The following KCNB2 variants were observed in gnomAD, a reference collection of about 807,000 sequenced individuals.
KCNB2 encodes the protein delayed rectifier potassium channel protein.
In KCNB2, 15 loss-of-function variants were observed where a neutral mutation model predicts 61.5. That is an observed-to-expected ratio of 0.24 (90% CI 0.16 to 0.38). KCNB2 has a LOEUF of 0.38. KCNB2 is among the 10% of genes least tolerant of loss of function. The pLI, the probability that KCNB2 is intolerant of heterozygous loss-of-function variation, is 1.00. For synonymous variants in KCNB2, 457 were observed against 446.0 expected (o/e 1.02, Z -0.31); for missense variants, 828 against 1,125.2 (o/e 0.74, Z 3.78).
intron 2 of KCNB2, among the ~76,000 whole-genome samples, chr8:72,841,028 T>A (rs1174546823): frequency 6.6e-6 from 1 of 152,244 alleles, no homozygotes; most frequent in African/African-American, 2.4e-5. Context: ...AGGGTTTTTA[T>A]GGTTTCAGGT....
intron 2 of KCNB2, among the ~76,000 whole-genome samples, chr8:72,741,670 T>G (rs553528656): frequency 1.3e-5 from 2 of 152,124 alleles, no homozygotes; most frequent in African/African-American, 2.4e-5. Context: ...CATATGACAT[T>G]TGGTTTTCCA....
chr8:72,773,185 G>A lies in KCNB2; in HGVS notation c.580-162750G>A, dbSNP rs114235260. 3.7e-3 allele frequency among the ~76,000 whole-genome samples: 562 copies of A among 152,210 alleles called. 3 individuals are homozygous for A. The highest frequency in any genetic ancestry group is 0.013 in the African/African-American group (529 of 41,526). The stretch of plus-strand genomic sequence containing the variant: ...TAGACAGCACTGCTTAGCATCTGTC[G>A]TGTGAATTATTTGATAGATGAGAAT... On this transcript the variant is annotated intron_variant, in intron 2 of 2. Transcript: ENST00000523207.
At chr8:72,745,256 G>C (rs1339095253) in intron 2 of KCNB2, among the ~76,000 whole-genome samples, 1 of 152,176 alleles carries the variant, frequency 6.6e-6, no homozygotes, top group African/African-American at 2.4e-5. Context: ...AATTAGGAGA[G>C]AAGGAATGTA....
Position 72,567,668 on chromosome 8 carries a change from G to A in KCNB2, c.-67G>A. 9.4e-7 allele frequency: 1 copy of A among 1,061,240 alleles called. No individual in the cohort carries two copies. The highest frequency in any genetic ancestry group is 1.4e-6 in the Non-Finnish European group (1 of 736,510). The allele number at this position is 1,061,240 out of a possible 1,614,324, so 65.7% of individuals were successfully genotyped here. A position where few individuals can be genotyped will look rare whatever the true frequency, so the allele number is the denominator to read the frequency against. On this transcript the variant is annotated 5_prime_UTR_variant, in exon 2 of 3. Transcript: ENST00000523207. ...TTTGTCAGTGGAAATGCCTGCCCCA[G>A]AGGGATATTGCTTCAGTTGACCTCA...
intron 2 of KCNB2, among the ~76,000 whole-genome samples, chr8:72,663,931 G>C (rs1316514716): frequency 1.3e-5 from 2 of 152,284 alleles, no homozygotes; most frequent in East Asian, 3.9e-4. Context: ...CTCCTTCTGA[G>C]CCTCTTTCCA....
intron 2 of KCNB2, among the ~76,000 whole-genome samples, chr8:72,932,414 G>T (rs1462020948): frequency 6.6e-6 from 1 of 152,128 alleles, no homozygotes; most frequent in Non-Finnish European, 1.5e-5. Context: ...CCAGGTGCTG[G>T]GGTGGTTACC....
chr8:72,883,378 G>A lies in KCNB2; in HGVS notation c.580-52557G>A, dbSNP rs147340655. Among the ~76,000 whole-genome samples the A allele has an allele frequency of 3.6e-3, 549 of 152,298 alleles. 4 individuals carry two copies. Among genetic ancestry groups the A allele is most frequent in the Middle Eastern group, 0.024 (7 of 294 alleles). On this transcript the variant is annotated intron_variant, in intron 2 of 2. Coordinates refer to ENST00000523207, the MANE Select transcript of KCNB2 (RefSeq NM_004770.3). The stretch of plus-strand genomic sequence containing the variant: ...AGTTATCCACTGACCTGGCTGGAAG[G>A]ATGGTCTTAGTCTCTCAGCTGACTC...
chr8:72,860,325 C>A (rs1810278981), intron 2 of KCNB2, among the ~76,000 whole-genome samples: 1 of 152,194 alleles, frequency 6.6e-6, no homozygotes, highest in Non-Finnish European at 1.5e-5. Flanking sequence ...GTCTCAATTT[C>A]TCCACATTCC....
chr8:72,781,825 G>A (rs1808761549), intron 2 of KCNB2, among the ~76,000 whole-genome samples: 1 of 152,184 alleles, frequency 6.6e-6, no homozygotes, highest in African/African-American at 2.4e-5. Context: ...CCTGGATAGA[G>A]CTTGAAGCCA....
intron 2 of KCNB2, among the ~76,000 whole-genome samples, chr8:72,925,536 G>T (rs191301958): frequency 5.3e-5 from 8 of 152,268 alleles, no homozygotes. Context: ...TAAACATATG[G>T]AGAGAAAGCT....
At chr8:72,773,040 G>A (rs1248221469) in intron 2 of KCNB2, among the ~76,000 whole-genome samples, 1 of 152,160 alleles carries the variant, frequency 6.6e-6, no homozygotes, top group Non-Finnish European at 1.5e-5. Flanking sequence ...CCCAGTAGGG[G>A]GAATTTTTCA....
intron 2 of KCNB2, among the ~76,000 whole-genome samples, chr8:72,715,018 C>G (rs1343584829): frequency 6.6e-5 from 10 of 151,924 alleles, no homozygotes; most frequent in Admixed American, 3.9e-4. Flanking sequence ...ATCCTAGTCT[C>G]GGATAAAACA....
intron 2 of KCNB2, among the ~76,000 whole-genome samples, chr8:72,848,450 T>C (rs1810038245): frequency 6.6e-6 from 1 of 152,140 alleles, no homozygotes; most frequent in Admixed American, 6.5e-5. Context: ...AATAAATTTA[T>C]TATTTGTAAA....
chr8:72,920,453 C>CTATATATATATATATATA, intron 2 of KCNB2, among the ~76,000 whole-genome samples: 11 of 43,102 alleles, frequency 2.6e-4, no homozygotes, highest in Non-Finnish European at 5.4e-4. Flanking sequence ...ATCTATCTAT[C>CTATATATATATATATATA]TATCTATCTA....
intron 2 of KCNB2, among the ~76,000 whole-genome samples, chr8:72,830,253 A>G (rs1258855587): frequency 1.4e-5 from 2 of 139,954 alleles, no homozygotes; most frequent in East Asian, 4.3e-4. Flanking sequence ...AAAAAAAAGC[A>G]GGGAGGGAGG....
chr8:72,588,178 C>A (rs1807029839), intron 2 of KCNB2, among the ~76,000 whole-genome samples: 1 of 149,138 alleles, frequency 6.7e-6, no homozygotes, highest in African/African-American at 2.5e-5. Flanking sequence ...TCTAAGTTTT[C>A]TTCCAGTCTG....
At chr8:72,597,903 T>G (rs1275228686) in intron 2 of KCNB2, among the ~76,000 whole-genome samples, 2 of 152,212 alleles carry the variant, frequency 1.3e-5, no homozygotes, top group Non-Finnish European at 2.9e-5. Flanking sequence ...GTTCAACCAT[T>G]GTGGAAAACA....
intron 2 of KCNB2, among the ~76,000 whole-genome samples, chr8:72,813,198 G>A (rs1809333660): frequency 6.6e-6 from 1 of 152,196 alleles, no homozygotes; most frequent in Non-Finnish European, 1.5e-5. Context: ...CATAAAGAGA[G>A]TAGGAAACCG....
At chr8:72,555,240 T>C (rs890487458) in intron 1 of KCNB2, among the ~76,000 whole-genome samples, 2 of 151,796 alleles carry the variant, frequency 1.3e-5, no homozygotes, top group Non-Finnish European at 2.9e-5. Flanking sequence ...ATTCTCACCA[T>C]GCGAATTAAC....
Sources: gnomAD v4.1 joint callset for allele counts (sites outside exome capture counted in the v4.1 genomes callset) on GRCh38, gnomAD v4.1.1 for gene constraint, MANE v1.5 for transcripts, NCBI Gene and HGNC (gene_info 2026-07-23, HGNC 2026-07-21) for gene names.